CYFIP2: variants seen among roughly 807,000 people sequenced by gnomAD.
CYFIP2 encodes cytoplasmic FMR1-interacting protein 2.
Under a neutral mutation model 158.7 loss-of-function variants are expected in CYFIP2, and 29 were observed. The observed-to-expected ratio is 0.18, with a 90% CI of 0.14 to 0.25. The LOEUF (loss-of-function observed/expected upper bound fraction) is 0.25. CYFIP2 is among the 10% of genes least tolerant of loss of function. CYFIP2 has a pLI of 1.00. For synonymous variants in CYFIP2, 585 were observed against 617.6 expected, an observed-to-expected ratio of 0.95 and a Z score of 0.78; for missense variants, 852 against 1,639.5, an observed-to-expected ratio of 0.52 and a Z score of 8.29.
intron 3 of CYFIP2, among the ~76,000 whole-genome samples, chr5:157,292,873 C>T (rs1757938853): frequency 6.6e-6 from 1 of 152,058 alleles, no homozygotes; most frequent in South Asian, 2.1e-4. Context: ...GTATGTGTTC[C>T]ATTTAATTCT....
intron 23 of CYFIP2, among the ~76,000 whole-genome samples, chr5:157,343,862 C>T (rs1762485153): frequency 6.6e-6 from 1 of 152,026 alleles, no homozygotes; most frequent in South Asian, 2.1e-4. Flanking sequence ...TTCTCATCCC[C>T]TTAAGAAAAA....
At chr5:157,299,806 G>C (rs949330698) in intron 5 of CYFIP2, among the ~76,000 whole-genome samples, 8 of 152,168 alleles carry the variant, frequency 5.3e-5, no homozygotes, top group African/African-American at 1.7e-4. Flanking sequence ...GGAGGCTTAG[G>C]CAGGAGAATC....
intron 26 of CYFIP2, among the ~76,000 whole-genome samples, chr5:157,370,514 C>G (rs1764897222): frequency 6.6e-6 from 1 of 152,164 alleles, no homozygotes; most frequent in Non-Finnish European, 1.5e-5. Context: ...GAACACAAGC[C>G]CTACTCCCTC....
intron 26 of CYFIP2, chr5:157,376,895 A>G (rs1178711100): frequency 2.2e-6 from 1 of 456,206 alleles, no homozygotes; most frequent in Admixed American, 2.4e-5. Flanking sequence ...TTCCGTGTCC[A>G]CACACATCAG....
intron 7 of CYFIP2, among the ~76,000 whole-genome samples, chr5:157,303,646 CCTCAGGTTTT>C (rs1758968956): frequency 6.6e-6 from 1 of 152,274 alleles, no homozygotes; most frequent in South Asian, 2.1e-4. Flanking sequence ...GTAACTGAGG[CCTCAGGTTTT>C]CTTTCTCTTG....
chr5:157,311,722 C>G lies in CYFIP2; in HGVS notation c.1051C>G (p.Gln351Glu). 1 of 1,610,106 alleles carries G rather than the reference C, an allele frequency of 6.2e-7. No homozygotes were observed. Among genetic ancestry groups the G allele is most frequent in the East Asian group, 2.2e-5 (1 of 44,772 alleles). The part of the protein sequence containing the change: ...PQYNICEQMV[Q>E]IRDDHIRFIS... ...GTACAATATCTGCGAGCAGATGGTT[C>G]AGATCCGGGATGACCACATCCGCTT... is the stretch of plus-strand genomic sequence containing the variant. The change falls in exon 11 of 31, where the codon CAG (glutamine) becomes GAG (glutamate). Residue 351 changes from glutamine (Q) to glutamate (E), a missense_variant. Coordinates refer to ENST00000620254, the MANE Select transcript of CYFIP2 (RefSeq NM_001037333.3). The surrounding 1 kb of genome is among the most constrained non-coding windows in gnomAD (Gnocchi z 4.7).
chr5:157,268,062 TG>T (rs1022751428), intron 1 of CYFIP2, among the ~76,000 whole-genome samples: 2 of 152,272 alleles, frequency 1.3e-5, no homozygotes, highest in Non-Finnish European at 2.9e-5. Context: ...GGTTCCTCGT[TG>T]GCATTGGCTG....
chr5:157,293,348 G>A (rs889599158), intron 3 of CYFIP2, among the ~76,000 whole-genome samples: 8 of 152,106 alleles, frequency 5.3e-5, no homozygotes, highest in Admixed American at 2.0e-4. Flanking sequence ...GAACCACTGC[G>A]CCCAGCCTTG....
chr5:157,273,787 G>C (rs1462446149), intron 1 of CYFIP2, among the ~76,000 whole-genome samples: 2 of 151,954 alleles, frequency 1.3e-5, no homozygotes, highest in Non-Finnish European at 2.9e-5. Flanking sequence ...ACTAACTTTT[G>C]GTAGCAGCTT....
At chr5:157,300,467 G>A (rs1331935554) in intron 5 of CYFIP2, among the ~76,000 whole-genome samples, 11 of 151,634 alleles carry the variant, frequency 7.3e-5, no homozygotes, top group South Asian at 2.1e-4. Flanking sequence ...CCTGGGAAGT[G>A]GAGGTTGCAG....
At chr5:157,294,734 G>A (rs758907032) in intron 3 of CYFIP2, 49 bp from the exon 4 acceptor site, 1 of 1,552,952 alleles carries the variant, frequency 6.4e-7, no homozygotes, top group Non-Finnish European at 8.9e-7. Flanking sequence ...TTTGCAGCCT[G>A]GTGGCACCCG....
At position 157,310,350 on chromosome 5, in the gene CYFIP2, C is replaced by T. The variant is rs1002755078; in HGVS notation, c.992+516C>T. On this transcript the variant is annotated intron_variant, in intron 10 of 30. Coordinates refer to ENST00000620254, the MANE Select transcript of CYFIP2 (RefSeq NM_001037333.3). The stretch of plus-strand genomic sequence containing the variant: ...AGTTGGGGGGCTCCAACCTCTGCTG[C>T]TCTTTTGGTCTCTGAGGCTGTTAGG... 3.9e-5 allele frequency among the ~76,000 whole-genome samples: 6 copies of T among 152,226 alleles called. No homozygotes were observed. The South Asian group carries it at 8.3e-4, about 21-fold the overall frequency.
intron 23 of CYFIP2, among the ~76,000 whole-genome samples, chr5:157,351,031 T>A (rs578148800): frequency 5.4e-4 from 83 of 152,350 alleles, no homozygotes; most frequent in African/African-American, 2.0e-3. Flanking sequence ...CTCACTTGGA[T>A]GCCCTTTATT....
intron 26 of CYFIP2, among the ~76,000 whole-genome samples, chr5:157,372,530 C>T (rs1250303159): frequency 6.6e-6 from 1 of 152,112 alleles, no homozygotes; most frequent in Non-Finnish European, 1.5e-5. Context: ...TTAAACCAGA[C>T]AAGGTTGTGA....
intron 11 of CYFIP2, among the ~76,000 whole-genome samples, chr5:157,312,070 A>T (rs1314912822): frequency 6.6e-6 from 1 of 152,234 alleles, no homozygotes; most frequent in African/African-American, 2.4e-5. Context: ...GAGGATTAAA[A>T]GATATGGCAG....
intron 24 of CYFIP2, among the ~76,000 whole-genome samples, chr5:157,359,881 C>T (rs1475977579): frequency 6.6e-6 from 1 of 152,138 alleles, no homozygotes; most frequent in African/African-American, 2.4e-5. Context: ...CAGAGTAAAA[C>T]AAGAAAATGT....
At chr5:157,368,434 A>AG (rs1211871648) in intron 26 of CYFIP2, among the ~76,000 whole-genome samples, 4 of 151,830 alleles carry the variant, frequency 2.6e-5, no homozygotes, top group South Asian at 2.1e-4. Context: ...CATCACTCTG[A>AG]GGGAAAAAAA....
At chr5:157,325,389 A>G in intron 16 of CYFIP2, 93 bp from the exon 17 acceptor site, 1 of 1,371,346 alleles carries the variant, frequency 7.3e-7, no homozygotes. Context: ...TACCTAACAC[A>G]GTGACAATAA....
chr5:157,343,004 AG>A (rs771032758), intron 23 of CYFIP2: 1 of 1,613,854 alleles, frequency 6.2e-7, no homozygotes, highest in African/African-American at 1.3e-5. Flanking sequence ...CACCAGGGGG[AG>A]CCCCTGCAGG....
Sources: gnomAD v4.1 joint callset for allele counts (sites outside exome capture counted in the v4.1 genomes callset) on GRCh38, gnomAD v4.1.1 for gene constraint, Gnocchi (gnomAD v3.1) non-coding constraint, MANE v1.5 for transcripts, NCBI Gene and HGNC (gene_info 2026-07-23, HGNC 2026-07-21) for gene names.